Variants in STAG1 observed in about 807,000 individuals in gnomAD.
The protein encoded by STAG1 is cohesin subunit SA-1.
Under a neutral mutation model 170.9 loss-of-function variants are expected in STAG1, and 26 were observed. The observed-to-expected ratio is 0.15, with a 90% CI of 0.11 to 0.21. The LOEUF (loss-of-function observed/expected upper bound fraction) is 0.21, where lower values mean the gene tolerates loss of function less well. Ranked by LOEUF, STAG1 falls within the 10% of genes least tolerant of loss-of-function variation. The probability of loss-of-function intolerance (pLI) is 1.00; values close to 1 mark genes in which losing one functional copy is unlikely to be tolerated. For synonymous variants in STAG1, 514 were observed against 497.7 expected, an observed-to-expected ratio of 1.03 and a Z score of -0.44; for missense variants, 964 against 1,509.5, an observed-to-expected ratio of 0.64 and a Z score of 5.99.
chr3:136,627,432 T>C lies in STAG1; in HGVS notation c.29+3438A>G, dbSNP rs549586615. 4.6e-5 allele frequency among the ~76,000 whole-genome samples: 7 copies of C among 152,308 alleles called. No homozygotes were observed. In the South Asian group the frequency reaches 1.4e-3, roughly 32 times the overall value. On this transcript the variant is annotated intron_variant, in intron 2 of 33. Transcript: ENST00000383202. The stretch of plus-strand genomic sequence containing the variant: ...CTCTCTCTCAAAATATAAATATCAA[T>C]ATTTCAATTTTTTAAGTGTTACATA...
intron 6 of STAG1, among the ~76,000 whole-genome samples, chr3:136,524,536 T>G (rs1020950451): frequency 1.3e-5 from 2 of 152,242 alleles, no homozygotes; most frequent in African/African-American, 4.8e-5. Flanking sequence ...TCCTGTCATC[T>G]GCAAACAGGG....
Position 136,541,538 on chromosome 3 carries a change from T to TCACACACACACACACACA in STAG1, c.471+563_471+580dup, listed in dbSNP as rs59155124. Among the ~76,000 whole-genome samples the TCACACACACACACACACA allele has an allele frequency of 4.1e-4, 51 of 123,208 alleles. 1 individual carries two copies. Among genetic ancestry groups the TCACACACACACACACACA allele is most frequent in the Admixed American group, 5.8e-4 (7 of 11,990 alleles). The allele number at this position is 123,208 out of a possible 152,430, so 80.8% of individuals were successfully genotyped here. A position where few individuals can be genotyped will look rare whatever the true frequency, so the allele number is the denominator to read the frequency against. ...AGTATCCCAAATAGAAGCTTAACATTCACACACACACACACACACACACAC... is the reference window on the plus strand; with the variant it reads ...AGTATCCCAAATAGAAGCTTAACATTCACACACACACACACACACACACACACACACACACACACACAC... On this transcript the variant is annotated intron_variant, in intron 6 of 33. Coordinates refer to ENST00000383202, the MANE Select transcript of STAG1 (RefSeq NM_005862.3).
chr3:136,528,119 C>T (rs1023965175), intron 6 of STAG1, among the ~76,000 whole-genome samples: 4 of 152,160 alleles, frequency 2.6e-5, no homozygotes, highest in South Asian at 2.1e-4. Flanking sequence ...AGCTGTCAGA[C>T]GGGGACATTT....
intron 4 of STAG1, among the ~76,000 whole-genome samples, chr3:136,572,503 G>A (rs1393424771): frequency 6.7e-6 from 1 of 148,310 alleles, no homozygotes; most frequent in African/African-American, 2.5e-5. Context: ...TGAGGTGAGA[G>A]ATCACTTAAG....
chr3:136,509,268 G>A (rs1933931605), intron 7 of STAG1, among the ~76,000 whole-genome samples: 1 of 152,074 alleles, frequency 6.6e-6, no homozygotes, highest in Admixed American at 6.5e-5. Context: ...AGCTAAATGT[G>A]AAGACTGGAT....
chr3:136,596,021 G>A lies in STAG1; in HGVS notation c.297+8288C>T, dbSNP rs532127747. Among the ~76,000 whole-genome samples, 5 of 152,206 alleles carry A rather than the reference G, an allele frequency of 3.3e-5. No homozygotes were observed. The East Asian group carries it at 7.7e-4, about 23-fold the overall frequency. ...ATTTCCTGTTTCTAAATTAAGAAACGTCTTCTGCTACTGCCTACTAAACTC... is the reference window on the plus strand; with the variant it reads ...ATTTCCTGTTTCTAAATTAAGAAACATCTTCTGCTACTGCCTACTAAACTC... On this transcript the variant is annotated intron_variant, in intron 4 of 33. Transcript: ENST00000383202.
At chr3:136,610,184 C>T (rs1164061818) in intron 3 of STAG1, among the ~76,000 whole-genome samples, 1 of 151,868 alleles carries the variant, frequency 6.6e-6, no homozygotes, top group African/African-American at 2.4e-5. Flanking sequence ...CTACAGGTGC[C>T]CGCCACCACT....
intron 1 of STAG1, among the ~76,000 whole-genome samples, chr3:136,744,861 A>T (rs908631340): frequency 6.6e-6 from 1 of 152,024 alleles, no homozygotes; most frequent in Non-Finnish European, 1.5e-5. Flanking sequence ...TTTTTAGTAG[A>T]GACGGGGTTT....
At position 136,464,838 on chromosome 3, in the gene STAG1, A is replaced by C. The variant is rs1229090049; in HGVS notation, c.1313+43T>G. 4 of 1,507,254 alleles carry C rather than the reference A, an allele frequency of 2.7e-6. No homozygotes were observed. In the Admixed American group the frequency reaches 7.6e-5, roughly 28 times the overall value. 93.4% of individuals were successfully genotyped at this position (1,507,254 alleles called of 1,614,324 possible). A position where few individuals can be genotyped will look rare whatever the true frequency, so the allele number is the denominator to read the frequency against. ...ACAAACTCTAAAACAACAAGAAAAC[A>C]ACATAGAAAAGTAGAACCGGTTTTC... On this transcript the variant is annotated intron_variant, in intron 13 of 33. Transcript: ENST00000383202.
chr3:136,649,503 C>CAAAAAAAAAAAAAAAAAAAAAAAAAAAAA (rs761067087), intron 1 of STAG1, among the ~76,000 whole-genome samples: 1 of 70,876 alleles, frequency 1.4e-5, no homozygotes. Flanking sequence ...AAAACAGAAA[C>CAAAAAAAAAAAAAAAAAAAAAAAAAAAAA]AAAAAAAAAA....
intron 9 of STAG1, among the ~76,000 whole-genome samples, chr3:136,479,130 G>C (rs1297829556): frequency 3.6e-4 from 53 of 146,470 alleles, no homozygotes; most frequent in African/African-American, 1.3e-3. Context: ...ACATTGTGCA[G>C]GTTAGTTACA....
chr3:136,745,860 GT>G (rs1236979590), intron 1 of STAG1, among the ~76,000 whole-genome samples: 1 of 152,022 alleles, frequency 6.6e-6, no homozygotes, highest in Non-Finnish European at 1.5e-5. Flanking sequence ...ACCTCATAAT[GT>G]TTTTAAAAAG....
intron 9 of STAG1, among the ~76,000 whole-genome samples, chr3:136,481,030 G>A (rs2089891629): frequency 1.7e-5 from 2 of 114,542 alleles, no homozygotes; most frequent in East Asian, 3.4e-4. Flanking sequence ...TGCAAACAGG[G>A]ACAATTTGAC....
In STAG1 at chr3:136,372,708, A is replaced by G. The variant is rs140483920; in HGVS notation, c.2371-3426T>C. 6.5e-3 allele frequency among the ~76,000 whole-genome samples: 984 copies of G among 152,292 alleles called. 12 individuals carry two copies. Among genetic ancestry groups the G allele is most frequent in the African/African-American group, 0.022 (935 of 41,562 alleles). ...TCCCAGGAATGAAGCCCACTTGATC[A>G]TGGTGGATAAGCTTTTTGATGTGCT... On this transcript the variant is annotated intron_variant, in intron 23 of 33. Coordinates refer to ENST00000383202, the MANE Select transcript of STAG1 (RefSeq NM_005862.3).
intron 3 of STAG1, among the ~76,000 whole-genome samples, chr3:136,621,062 G>C (rs1009150559): frequency 6.6e-6 from 1 of 152,018 alleles, no homozygotes; most frequent in South Asian, 2.1e-4. Context: ...CAGGAGGCAC[G>C]GGTTGCAGTG....
intron 16 of STAG1, among the ~76,000 whole-genome samples, chr3:136,431,709 G>C (rs2088308534): frequency 1.3e-5 from 2 of 152,012 alleles, no homozygotes; most frequent in African/African-American, 4.8e-5. Flanking sequence ...TTCTTGGTTG[G>C]CCATTTTGTT....
chr3:136,683,956 A>T (rs1287085604), intron 1 of STAG1, among the ~76,000 whole-genome samples: 1 of 152,226 alleles, frequency 6.6e-6, no homozygotes, highest in East Asian at 1.9e-4. Context: ...ATAAAATGCT[A>T]AGGTATAAAT....
chr3:136,431,281 C>CT (rs994412680), intron 16 of STAG1, among the ~76,000 whole-genome samples: 24 of 149,920 alleles, frequency 1.6e-4, no homozygotes, highest in East Asian at 4.0e-4. Flanking sequence ...AAGGACTTTT[C>CT]TTTTTTTTTG....
At chr3:136,490,926 CA>C (rs1287581764) in intron 9 of STAG1, among the ~76,000 whole-genome samples, 3 of 152,090 alleles carry the variant, frequency 2.0e-5, no homozygotes, top group Non-Finnish European at 2.9e-5. Context: ...ACTGAAATAA[CA>C]ATCTTTCTGG....
Sources: allele counts gnomAD v4.1 joint callset (sites outside exome capture counted in the v4.1 genomes callset), GRCh38; gene constraint gnomAD v4.1.1; transcripts MANE v1.5; gene names NCBI Gene and HGNC (gene_info 2026-07-23, HGNC 2026-07-21).